UNC13B: variants seen among roughly 807,000 people sequenced by gnomAD.
UNC13B encodes unc-13 homolog B, also known as protein unc-13 homolog B.
Under a neutral mutation model 211.0 loss-of-function variants are expected in UNC13B, and 144 were observed. That is an observed-to-expected ratio of 0.68 (90% CI 0.60 to 0.78). The LOEUF (loss-of-function observed/expected upper bound fraction) is 0.78. UNC13B is among the 30% of genes least tolerant of loss of function. The pLI, the probability that UNC13B is intolerant of heterozygous loss-of-function variation, is 0.00. For missense variants in UNC13B, 1,777 were observed against 2,002.0 expected (o/e 0.89, Z 2.14); for synonymous variants, 709 against 725.8 (o/e 0.98, Z 0.37).
At chr9:35,165,993 A>G (rs538054170) in intron 1 of UNC13B, among the ~76,000 whole-genome samples, 1 of 152,234 alleles carries the variant, frequency 6.6e-6, no homozygotes, top group African/African-American at 2.4e-5. Context: ...CCTTTCCATA[A>G]TATTTCTCTG....
intron 8 of UNC13B, among the ~76,000 whole-genome samples, chr9:35,297,427 G>GA (rs1829422351): frequency 6.6e-6 from 1 of 151,272 alleles, no homozygotes. Flanking sequence ...CAGTTGTTTT[G>GA]AGAATGCCTC....
chr9:35,222,228 T>C (rs755483148), intron 1 of UNC13B, among the ~76,000 whole-genome samples: 23 of 152,194 alleles, frequency 1.5e-4, no homozygotes, highest in Non-Finnish European at 2.9e-4. Flanking sequence ...TTGTCTTGAA[T>C]ATGTAGATTA....
At chr9:35,265,673 C>T (rs1000776879) in intron 7 of UNC13B, among the ~76,000 whole-genome samples, 1 of 152,036 alleles carries the variant, frequency 6.6e-6, no homozygotes, top group African/African-American at 2.4e-5. Context: ...CACAGTGGCT[C>T]ATGCTTGTAA....
chr9:35,324,474 C>G (rs565664345), intron 11 of UNC13B, among the ~76,000 whole-genome samples: 2 of 152,324 alleles, frequency 1.3e-5, no homozygotes, highest in South Asian at 4.1e-4. Flanking sequence ...GAGACACATT[C>G]TGTGGGACTA....
intron 12 of UNC13B, among the ~76,000 whole-genome samples, chr9:35,368,287 C>T (rs1394268258): frequency 6.6e-6 from 1 of 152,196 alleles, no homozygotes; most frequent in Non-Finnish European, 1.5e-5. Flanking sequence ...TTAGCTCCCA[C>T]TTATAAGAGA....
chr9:35,340,540 T>A (rs1382117895), intron 11 of UNC13B, among the ~76,000 whole-genome samples: 1 of 152,180 alleles, frequency 6.6e-6, no homozygotes, highest in Non-Finnish European at 1.5e-5. Flanking sequence ...ACTACCTGGT[T>A]TGTGGGCTAA....
At chr9:35,297,906 T>C (rs1185981481) in intron 8 of UNC13B, among the ~76,000 whole-genome samples, 1 of 152,044 alleles carries the variant, frequency 6.6e-6, no homozygotes, top group Non-Finnish European at 1.5e-5. Context: ...AAAAATTTGG[T>C]ATATGCCGTA....
intron 29 of UNC13B, 119 bp from the exon 30 acceptor site, chr9:35,397,516 G>C: frequency 7.6e-7 from 1 of 1,315,536 alleles, no homozygotes; most frequent in South Asian, 1.3e-5. Context: ...TGTACTGTGG[G>C]ATTCCCCCTT....
chr9:35,314,668 T>C (rs373264917), intron 11 of UNC13B, among the ~76,000 whole-genome samples: 1 of 151,978 alleles, frequency 6.6e-6, no homozygotes, highest in South Asian at 2.1e-4. Flanking sequence ...TTATACCCAT[T>C]AAGTTATTTC....
intron 1 of UNC13B, among the ~76,000 whole-genome samples, chr9:35,205,986 C>G (rs768263100): frequency 6.6e-6 from 1 of 151,892 alleles, no homozygotes; most frequent in Non-Finnish European, 1.5e-5. Context: ...GAGTTTGAGA[C>G]CAGGTTGGGC....
chr9:35,339,991 G>A (rs1292484544), intron 11 of UNC13B, among the ~76,000 whole-genome samples: 2 of 152,188 alleles, frequency 1.3e-5, no homozygotes, highest in African/African-American at 4.8e-5. Context: ...CACTGTTCTG[G>A]GCTCTTTATG....
rs1397294413 is a variant in UNC13B, at chr9:35,371,360, T to C, written c.9540+964T>C. Among the ~76,000 whole-genome samples, 5 of 151,370 alleles carry C rather than the reference T, an allele frequency of 3.3e-5. No individual in the cohort carries two copies. In the South Asian group the frequency reaches 1.0e-3, roughly 32 times the overall value. ...CTCTTTCTTTCTTTCTTTTTTTTTT[T>C]TTTTATAGAGACGGAGTCCCTGTTA... is the stretch of plus-strand genomic sequence containing the variant. On this transcript the variant is annotated intron_variant, in intron 13 of 39. Coordinates refer to ENST00000635942, the MANE Select transcript of UNC13B (RefSeq NM_001371189.2).
chr9:35,328,996 C>T (rs966331004), intron 11 of UNC13B, among the ~76,000 whole-genome samples: 1 of 151,934 alleles, frequency 6.6e-6, no homozygotes, highest in Non-Finnish European at 1.5e-5. Flanking sequence ...TGGTCTCGAT[C>T]TCCTGACCTT....
At chr9:35,258,373 T>C (rs923119043) in intron 6 of UNC13B, among the ~76,000 whole-genome samples, 8 of 152,250 alleles carry the variant, frequency 5.3e-5, no homozygotes, top group Non-Finnish European at 1.2e-4. Context: ...TTGGACATAA[T>C]TCTTTTCCTT....
Position 35,246,610 on chromosome 9 carries a change from C to G in UNC13B, c.468+3246C>G, listed in dbSNP as rs1303792619. Reference sequence around the variant, plus strand: ...CAGCACCATTTGTTGAATAGGGAATCCTTTTCCCATTTCTTGTGTTTGTCA... The same window carrying G: ...CAGCACCATTTGTTGAATAGGGAATGCTTTTCCCATTTCTTGTGTTTGTCA... On this transcript the variant is annotated intron_variant, in intron 6 of 39. Coordinates refer to ENST00000635942, the MANE Select transcript of UNC13B (RefSeq NM_001371189.2). Among the ~76,000 whole-genome samples the G allele has an allele frequency of 4.6e-5, 7 of 152,144 alleles. No homozygotes were observed. In the East Asian group the frequency reaches 1.4e-3, roughly 29 times the overall value.
chr9:35,392,758 A>G (rs1170224287), intron 26 of UNC13B, among the ~76,000 whole-genome samples: 1 of 151,974 alleles, frequency 6.6e-6, no homozygotes, highest in Non-Finnish European at 1.5e-5. Context: ...TAACCTGCAC[A>G]TTGTGCACAT....
At chr9:35,308,683 C>T (rs1189197309) in intron 9 of UNC13B, among the ~76,000 whole-genome samples, 1 of 152,196 alleles carries the variant, frequency 6.6e-6, no homozygotes, top group African/African-American at 2.4e-5. Context: ...TATTTACTCA[C>T]TCTGGTTTGC....
chr9:35,342,182 C>T, intron 11 of UNC13B: 1 of 985,580 alleles, frequency 1.0e-6, no homozygotes, highest in South Asian at 4.7e-5. Flanking sequence ...AGCAGTGGTG[C>T]TTTGGCTCAG....
At chr9:35,177,554 T>C (rs1047338129) in intron 1 of UNC13B, among the ~76,000 whole-genome samples, 3 of 152,254 alleles carry the variant, frequency 2.0e-5, no homozygotes, top group East Asian at 1.9e-4. Context: ...CTTAAGATCA[T>C]GTGTTTGAAA....
Sources: allele counts gnomAD v4.1 joint callset (sites outside exome capture counted in the v4.1 genomes callset), GRCh38; gene constraint gnomAD v4.1.1; transcripts MANE v1.5; gene names NCBI Gene and HGNC (gene_info 2026-07-23, HGNC 2026-07-21).